The following PLCE1 variants were observed in gnomAD, a reference collection of about 807,000 sequenced individuals.
The protein encoded by PLCE1 is phospholipase C epsilon 1.
PLCE1 carries 119 observed loss-of-function variants against 242.8 expected under a neutral mutation model. The ratio of observed to expected loss-of-function variants is 0.49; its 90% confidence interval spans 0.42 to 0.57. The LOEUF is 0.57. PLCE1 is among the 20% of genes least tolerant of loss of function. The probability of loss-of-function intolerance (pLI) is 0.00; values close to 1 mark genes in which losing one functional copy is unlikely to be tolerated. For synonymous variants in PLCE1, 945 were observed against 1,017.4 expected, an observed-to-expected ratio of 0.93 and a Z score of 1.35; for missense variants, 2,441 against 2,788.8, an observed-to-expected ratio of 0.88 and a Z score of 2.81.
chr10:94,156,808 A>G (rs2047447046), intron 3 of PLCE1, among the ~76,000 whole-genome samples: 1 of 152,166 alleles, frequency 6.6e-6, no homozygotes, highest in African/African-American at 2.4e-5. Flanking sequence ...CCTCATTAGA[A>G]CAAAAGACAC....
At chr10:94,037,226 C>T (rs2061681974) in intron 2 of PLCE1, among the ~76,000 whole-genome samples, 2 of 152,028 alleles carry the variant, frequency 1.3e-5, no homozygotes, top group Non-Finnish European at 2.9e-5. Context: ...GTATACATGT[C>T]CTTGATTCTA....
At chr10:94,307,909 AT>A (rs1013544192) in intron 26 of PLCE1, among the ~76,000 whole-genome samples, 20 of 151,890 alleles carry the variant, frequency 1.3e-4, no homozygotes, top group Admixed American at 7.2e-4. Flanking sequence ...AACAAAAACA[AT>A]TTTTTTTTAA....
chr10:94,188,317 AT>A (rs960136321), intron 4 of PLCE1, among the ~76,000 whole-genome samples: 1 of 152,142 alleles, frequency 6.6e-6, no homozygotes, highest in Non-Finnish European at 1.5e-5. Flanking sequence ...TGTTTTCTTA[AT>A]TTTTAGCTAT....
At chr10:94,043,871 CA>C (rs1331508536) in intron 2 of PLCE1, among the ~76,000 whole-genome samples, 1 of 152,048 alleles carries the variant, frequency 6.6e-6, no homozygotes, top group Non-Finnish European at 1.5e-5. Context: ...CCATATTTTC[CA>C]AACAAAAAAT....
chr10:94,180,184 C>G (rs2048267892), intron 4 of PLCE1, among the ~76,000 whole-genome samples: 1 of 152,112 alleles, frequency 6.6e-6, no homozygotes. Context: ...CTTTCCACCA[C>G]TCGGTTCTCT....
At position 94,258,016 on chromosome 10, in the gene PLCE1, ATGT is replaced by A. The variant is rs533791151; in HGVS notation, c.3555-780_3555-778del. Among the ~76,000 whole-genome samples, 381 of 152,354 alleles carry A rather than the reference ATGT, an allele frequency of 2.5e-3. 3 individuals are homozygous for A. Among genetic ancestry groups the A allele is most frequent in the Non-Finnish European group, 4.7e-3 (323 of 68,032 alleles). ...AGGAAATCAGTATAGAAAATAAAAA[ATGT>A]TGTGAAACAGTAAGTCTGTTCTGAG... On this transcript the variant is annotated intron_variant, in intron 11 of 32. Transcript: ENST00000371380.
At chr10:94,132,949 C>CAAAAA (rs33967020) in intron 3 of PLCE1, among the ~76,000 whole-genome samples, 1 of 88,838 alleles carries the variant, frequency 1.1e-5, no homozygotes, top group Non-Finnish European at 2.2e-5. Flanking sequence ...GACTCCATCT[C>CAAAAA]AAAAAAAAAA....
At chr10:94,285,828 T>C (rs1216900259) in intron 22 of PLCE1, among the ~76,000 whole-genome samples, 1 of 152,124 alleles carries the variant, frequency 6.6e-6, no homozygotes, top group Non-Finnish European at 1.5e-5. Context: ...AGGAGAGATT[T>C]CCCCCAATTG....
chr10:94,286,971 C>T (rs2052472903), intron 22 of PLCE1: 1 of 152,188 alleles, frequency 6.6e-6, no homozygotes, highest in Non-Finnish European at 1.5e-5. Flanking sequence ...TCGGACCATT[C>T]CACTGGCTTT....
At chr10:94,183,678 G>T (rs1044772340) in intron 4 of PLCE1, among the ~76,000 whole-genome samples, 20 of 152,280 alleles carry the variant, frequency 1.3e-4, no homozygotes, top group African/African-American at 4.3e-4. Flanking sequence ...AAGAAAAGAG[G>T]TTTAATTGGC....
chr10:94,137,190 C>T (rs1326974546), intron 3 of PLCE1, among the ~76,000 whole-genome samples: 1 of 151,902 alleles, frequency 6.6e-6, no homozygotes, highest in Non-Finnish European at 1.5e-5. Flanking sequence ...AAGACTCCAT[C>T]TCAAAAAAAA....
At position 94,306,476 on chromosome 10, in the gene PLCE1, G is replaced by A. The variant is rs759125453; in HGVS notation, c.5672G>A (p.Cys1891Tyr). 1 of 1,614,138 alleles carries A rather than the reference G, an allele frequency of 6.2e-7. No individual in the cohort carries two copies. Among genetic ancestry groups the A allele is most frequent in the Non-Finnish European group, 8.5e-7 (1 of 1,180,018 alleles). Residue 1891 changes from cysteine (C) to tyrosine (Y), a missense_variant, in exon 26 of 33, where the codon TGC (cysteine) becomes TAC (tyrosine). By Grantham distance (194) the Cys-to-Tyr change is radical (BLOSUM62 -2). This residue lies in a region of PLCE1 where 1,004 missense variants were observed against 1,322.7 expected (regional missense o/e 0.76). Transcript: ENST00000371380. The surrounding 1 kb of genome is among the most constrained non-coding windows in gnomAD (Gnocchi z 5.7). ...VCPSNSMGSP[C>Y]IEVDVLGMPL... Reference sequence around the variant, plus strand: ...CCCAGTAATAGCATGGGAAGCCCGTGCATTGAAGTCGACGTCCTGGGCATG... The same window carrying A: ...CCCAGTAATAGCATGGGAAGCCCGTACATTGAAGTCGACGTCCTGGGCATG...
chr10:94,302,214 G>T (rs1194851133), intron 24 of PLCE1, among the ~76,000 whole-genome samples: 1 of 152,198 alleles, frequency 6.6e-6, no homozygotes, highest in Non-Finnish European at 1.5e-5. Flanking sequence ...TACATGTTTG[G>T]TCACCAAGTT....
At chr10:94,215,399 G>A (rs1045635929) in intron 4 of PLCE1, among the ~76,000 whole-genome samples, 1 of 152,200 alleles carries the variant, frequency 6.6e-6, no homozygotes, top group South Asian at 2.1e-4. Context: ...CATCCAAGGA[G>A]CTCCATCTGC....
intron 4 of PLCE1, among the ~76,000 whole-genome samples, chr10:94,184,608 G>A (rs540573449): frequency 5.9e-5 from 9 of 152,312 alleles, no homozygotes; most frequent in African/African-American, 1.7e-4. Flanking sequence ...GGGATTATAG[G>A]CACGAGCCAC....
chr10:94,184,069 G>A (rs2048393283), intron 4 of PLCE1, among the ~76,000 whole-genome samples: 1 of 152,130 alleles, frequency 6.6e-6, no homozygotes, highest in South Asian at 2.1e-4. Flanking sequence ...AATACCCCCT[G>A]AATTGGCCTA....
chr10:94,228,017 C>T (rs936682551), intron 5 of PLCE1, among the ~76,000 whole-genome samples: 2 of 152,180 alleles, frequency 1.3e-5, no homozygotes, highest in African/African-American at 4.8e-5. Context: ...CCACATTATA[C>T]AAAAGAGGAA....
intron 2 of PLCE1, among the ~76,000 whole-genome samples, chr10:94,115,285 T>G (rs1216325501): frequency 3.9e-5 from 6 of 152,190 alleles, no homozygotes; most frequent in South Asian, 2.1e-4. Context: ...ATATACCCAG[T>G]AATGGGATGG....
chr10:94,121,912 A>G (rs1248163547), intron 2 of PLCE1, among the ~76,000 whole-genome samples: 1 of 152,206 alleles, frequency 6.6e-6, no homozygotes, highest in African/African-American at 2.4e-5. Context: ...AGCCATGAAG[A>G]TAGAGGCCAC....
Sources: gnomAD v4.1 joint callset for allele counts (sites outside exome capture counted in the v4.1 genomes callset) on GRCh38, gnomAD v4.1.1 for gene constraint, gnomAD v4.1.1 regional missense constraint, Gnocchi (gnomAD v3.1) non-coding constraint, MANE v1.5 for transcripts, NCBI Gene and HGNC (gene_info 2026-07-23, HGNC 2026-07-21) for gene names.